The following AGBL4 variants were observed in gnomAD, a reference collection of about 807,000 sequenced individuals.
The protein encoded by AGBL4 is AGBL carboxypeptidase 4, also known as cytosolic carboxypeptidase 6.
A neutral mutation model predicts 66.4 loss-of-function variants in AGBL4; 58 were observed. The ratio of observed to expected loss-of-function variants is 0.87; its 90% CI spans 0.71 to 1.09. The LOEUF (loss-of-function observed/expected upper bound fraction) is 1.09. Ranked by LOEUF, AGBL4 falls within the 50% of genes least tolerant of loss-of-function variation. AGBL4 has a pLI of 0.00. For missense variants in AGBL4, 579 were observed against 631.0 expected (o/e 0.92, Z 0.88); for synonymous variants, 234 against 222.9 (o/e 1.05, Z -0.44).
At chr1:48,526,389 G>A in the AGBL4 span, among the ~76,000 whole-genome samples, 1 of 152,194 alleles carries the variant, frequency 6.6e-6, no homozygotes, top group Non-Finnish European at 1.5e-5. Context: ...GGGAAATGAG[G>A]AGAATAATGC....
intron 3 of AGBL4, among the ~76,000 whole-genome samples, chr1:49,278,433 A>T (rs1644213715): frequency 6.6e-6 from 1 of 152,076 alleles, no homozygotes; most frequent in Non-Finnish European, 1.5e-5. Flanking sequence ...CCCTTTCTCA[A>T]AGCACCTGGG....
At chr1:49,793,868 G>A (rs190532761) in intron 2 of AGBL4, among the ~76,000 whole-genome samples, 69 of 151,944 alleles carry the variant, frequency 4.5e-4, no homozygotes, top group African/African-American at 1.5e-3. Flanking sequence ...ATCAATAGGG[G>A]GTAGCATGTA....
intron 1 of AGBL4, among the ~76,000 whole-genome samples, chr1:49,860,156 T>G (rs1485795620): frequency 6.6e-6 from 1 of 152,172 alleles, no homozygotes; most frequent in Non-Finnish European, 1.5e-5. Flanking sequence ...ATCTAGAGAT[T>G]CAATACAATC....
chr1:49,767,427 A>T (rs887160742), intron 2 of AGBL4, among the ~76,000 whole-genome samples: 2 of 152,150 alleles, frequency 1.3e-5, no homozygotes, highest in Non-Finnish European at 2.9e-5. Flanking sequence ...GAGAGAAAGA[A>T]CATATAAAAT....
chr1:49,120,329 T>C (rs1645626533), intron 4 of AGBL4, among the ~76,000 whole-genome samples: 1 of 152,210 alleles, frequency 6.6e-6, no homozygotes, highest in African/African-American at 2.4e-5. Context: ...TTTCTTTCCA[T>C]GTTTAGTGCT....
intron 8 of AGBL4, among the ~76,000 whole-genome samples, chr1:48,650,778 C>T (rs1164166497): frequency 1.3e-5 from 2 of 152,180 alleles, no homozygotes; most frequent in African/African-American, 4.8e-5. Context: ...GACCCCCTCT[C>T]ACTTAACTTT....
intron 3 of AGBL4, among the ~76,000 whole-genome samples, chr1:49,519,319 T>G (rs887195946): frequency 6.6e-6 from 1 of 152,022 alleles, no homozygotes; most frequent in Non-Finnish European, 1.5e-5. Flanking sequence ...ATAAGTGAGA[T>G]AGAACATCTG....
At chr1:48,865,968 T>G (rs1648028849) in intron 6 of AGBL4, among the ~76,000 whole-genome samples, 1 of 152,210 alleles carries the variant, frequency 6.6e-6, no homozygotes, top group Non-Finnish European at 1.5e-5. Context: ...CATATATATG[T>G]TAAATGTAGA....
chr1:49,546,277 A>G (rs899211955), intron 3 of AGBL4, among the ~76,000 whole-genome samples: 1 of 151,290 alleles, frequency 6.6e-6, no homozygotes, highest in African/African-American at 2.4e-5. Context: ...ATGTGTATAT[A>G]TATTCCATCA....
chr1:48,643,644 A>G (rs1645792113), intron 8 of AGBL4, among the ~76,000 whole-genome samples: 2 of 152,132 alleles, frequency 1.3e-5, no homozygotes, highest in Admixed American at 6.5e-5. Flanking sequence ...GTTGGGAGGA[A>G]CTCCCCATTG....
chr1:49,587,817 C>T (rs1644679850), intron 3 of AGBL4, among the ~76,000 whole-genome samples: 1 of 152,066 alleles, frequency 6.6e-6, no homozygotes, highest in Non-Finnish European at 1.5e-5. Context: ...CCTCCAGACT[C>T]ATGATGCAGC....
chr1:49,687,963 T>C (rs1005109370), intron 3 of AGBL4, among the ~76,000 whole-genome samples: 5 of 152,124 alleles, frequency 3.3e-5, no homozygotes, highest in African/African-American at 9.7e-5. Flanking sequence ...GGTATATATG[T>C]TTATAAGGTA....
intron 1 of AGBL4, among the ~76,000 whole-genome samples, chr1:50,013,348 T>C (rs1237716729): frequency 6.6e-6 from 1 of 152,138 alleles, no homozygotes; most frequent in Non-Finnish European, 1.5e-5. Context: ...ATGTGTAGTT[T>C]CTATTAAATT....
chr1:49,818,989 A>G (rs1645299102), intron 2 of AGBL4, among the ~76,000 whole-genome samples: 1 of 152,166 alleles, frequency 6.6e-6, no homozygotes, highest in Non-Finnish European at 1.5e-5. Flanking sequence ...TCTATCATTT[A>G]CTAACAGTTA....
Position 49,845,459 on chromosome 1 carries a change from C to T in AGBL4, c.157+5937G>A, listed in dbSNP as rs138638632. 634 of 1,529,698 alleles carry T rather than the reference C, an allele frequency of 4.1e-4. 2 individuals are homozygous for T. In the East Asian group the frequency reaches 0.013, roughly 31 times the overall value. The allele number at this position is 1,529,698 out of a possible 1,614,324, so 94.8% of individuals were successfully genotyped here. ...GCCTTCCAGCAAAGCATCCACCTCA[C>T]CCAGCACCTGCGAATCCACACTGGG... is the stretch of plus-strand genomic sequence containing the variant. On this transcript the variant is annotated intron_variant, in intron 2 of 13. Transcript: ENST00000371839.
chr1:48,781,999 G>A (rs1169034318), intron 6 of AGBL4, among the ~76,000 whole-genome samples: 2 of 152,232 alleles, frequency 1.3e-5, no homozygotes, highest in African/African-American at 4.8e-5. Context: ...TCAGGTGGGT[G>A]TTATTAAACA....
chr1:49,918,417 C>A (rs1411003972), intron 1 of AGBL4, among the ~76,000 whole-genome samples: 3 of 152,004 alleles, frequency 2.0e-5, no homozygotes, highest in Non-Finnish European at 2.9e-5. Context: ...ACCACCGATC[C>A]CACAGAAATA....
intron 5 of AGBL4, among the ~76,000 whole-genome samples, chr1:48,965,973 A>C (rs1012947849): frequency 3.3e-5 from 5 of 152,178 alleles, no homozygotes; most frequent in African/African-American, 1.2e-4. Flanking sequence ...AGGAGAAAAC[A>C]GATTTGAGGT....
chr1:48,874,765 C>T (rs1427007211), intron 5 of AGBL4, among the ~76,000 whole-genome samples: 1 of 152,012 alleles, frequency 6.6e-6, no homozygotes, highest in Non-Finnish European at 1.5e-5. Flanking sequence ...GGGCCAGTTT[C>T]CTCTGTGAGG....
Sources: allele counts gnomAD v4.1 joint callset (sites outside exome capture counted in the v4.1 genomes callset), GRCh38; gene constraint gnomAD v4.1.1; transcripts MANE v1.5; gene names NCBI Gene and HGNC (gene_info 2026-07-23, HGNC 2026-07-21).